The following GRM8 variants were observed in gnomAD, a reference collection of about 807,000 sequenced individuals.
The protein encoded by GRM8 is glutamate metabotropic receptor 8.
Under a neutral mutation model 87.2 loss-of-function variants are expected in GRM8, and 47 were observed. The ratio of observed to expected loss-of-function variants is 0.54; its 90% CI spans 0.43 to 0.69. The LOEUF (loss-of-function observed/expected upper bound fraction) is 0.69, where lower values mean the gene tolerates loss of function less well. GRM8 is among the 30% of genes least tolerant of loss of function. The pLI, the probability that GRM8 is intolerant of heterozygous loss-of-function variation, is 0.00. For missense variants in GRM8, 1,019 were observed against 1,139.2 expected (o/e 0.89, Z 1.52); for synonymous variants, 396 against 404.5 (o/e 0.98, Z 0.25).
chr7:127,243,464 G>A lies in GRM8; in HGVS notation c.-260C>T. ...AGAACATCTGAGGTTCTGATGTTGG[G>A]ATGAGGTCAACAATTCATGTCCTTG... On this transcript the variant is annotated 5_prime_UTR_variant, in exon 2 of 11. Transcript: ENST00000339582. 1 of 472,926 alleles carries A rather than the reference G, an allele frequency of 2.1e-6. No individual in the cohort carries two copies. Among genetic ancestry groups the A allele is most frequent in the South Asian group, 3.5e-5 (1 of 28,706 alleles). The allele number at this position is 472,926 out of a possible 1,614,324, so 29.3% of individuals were successfully genotyped here. A position where few individuals can be genotyped will look rare whatever the true frequency, so the allele number is the denominator to read the frequency against.
chr7:126,597,357 T>C (rs1297175054), intron 8 of GRM8, among the ~76,000 whole-genome samples: 3 of 152,116 alleles, frequency 2.0e-5, no homozygotes, highest in African/African-American at 7.2e-5. Context: ...TTTTCAGTTC[T>C]TAGTTGTAAT....
chr7:126,969,668 T>A (rs1563365186), intron 3 of GRM8, among the ~76,000 whole-genome samples: 1 of 152,124 alleles, frequency 6.6e-6, no homozygotes, highest in African/African-American at 2.4e-5. Context: ...ATCAACTTCT[T>A]CCAAACTTCC....
At chr7:126,903,189 C>G (rs1182964010) in intron 5 of GRM8, among the ~76,000 whole-genome samples, 3 of 152,058 alleles carry the variant, frequency 2.0e-5, no homozygotes, top group African/African-American at 7.2e-5. Flanking sequence ...GTCATGAACT[C>G]AAGTGTCGGT....
intron 8 of GRM8, among the ~76,000 whole-genome samples, chr7:126,574,807 G>T (rs1041585893): frequency 2.6e-5 from 4 of 151,806 alleles, no homozygotes; most frequent in African/African-American, 9.7e-5. Context: ...TTTGCAGACT[G>T]GCCCCAAGAC....
chr7:127,061,455 T>G (rs191563435), intron 3 of GRM8, among the ~76,000 whole-genome samples: 1 of 152,374 alleles, frequency 6.6e-6, no homozygotes, highest in East Asian at 1.9e-4. Context: ...CTCTATGAAC[T>G]GGGCATTATT....
chr7:126,971,979 C>A (rs1810476337), intron 3 of GRM8, among the ~76,000 whole-genome samples: 1 of 152,190 alleles, frequency 6.6e-6, no homozygotes, highest in Non-Finnish European at 1.5e-5. Context: ...AGACACCAAT[C>A]TGCACTAATA....
At chr7:126,655,246 C>T (rs1005959208) in intron 7 of GRM8, among the ~76,000 whole-genome samples, 1 of 152,166 alleles carries the variant, frequency 6.6e-6, no homozygotes, top group Non-Finnish European at 1.5e-5. Context: ...ATATTCAGAA[C>T]CCACTGTATC....
chr7:126,803,350 G>GACATC (rs1822947180), intron 6 of GRM8, among the ~76,000 whole-genome samples: 1 of 152,170 alleles, frequency 6.6e-6, no homozygotes, highest in Non-Finnish European at 1.5e-5. Flanking sequence ...AAGATGTCTA[G>GACATC]TTTAATTCTT....
intron 2 of GRM8, among the ~76,000 whole-genome samples, chr7:127,162,441 G>T (rs1361959): frequency 0.21 from 32,236 of 152,122 alleles, 3,665 homozygotes; most frequent in Middle Eastern, 0.31. Flanking sequence ...CAGAAAGGAA[G>T]ATCCCAGGCC....
chr7:126,771,125 C>T (rs948741428), intron 6 of GRM8, among the ~76,000 whole-genome samples: 1 of 152,050 alleles, frequency 6.6e-6, no homozygotes, highest in Non-Finnish European at 1.5e-5. Context: ...ATGGATGTTA[C>T]TAACCTTGAA....
chr7:126,906,430 C>T (rs1426479461), intron 3 of GRM8, among the ~76,000 whole-genome samples: 1 of 152,144 alleles, frequency 6.6e-6, no homozygotes, highest in Non-Finnish European at 1.5e-5. Flanking sequence ...ATTTGCTCAC[C>T]TCATCCTCCG....
At chr7:126,622,002 G>C (rs749853065) in intron 7 of GRM8, among the ~76,000 whole-genome samples, 11 of 151,936 alleles carry the variant, frequency 7.2e-5, no homozygotes, top group Non-Finnish European at 1.5e-4. Flanking sequence ...ATTCTCTTGC[G>C]CTTCTCTCTG....
chr7:127,221,569 T>C (rs1375590223), intron 2 of GRM8, among the ~76,000 whole-genome samples: 1 of 152,188 alleles, frequency 6.6e-6, no homozygotes, highest in East Asian at 1.9e-4. Flanking sequence ...TGATTGATGC[T>C]TCAGAGCATC....
chr7:127,229,321 G>C (rs1797538871), intron 2 of GRM8: 1 of 152,198 alleles, frequency 6.6e-6, no homozygotes, highest in Non-Finnish European at 1.5e-5. Flanking sequence ...TAAAGGAGTG[G>C]TGCTGGGTTT....
intron 6 of GRM8, among the ~76,000 whole-genome samples, chr7:126,807,244 G>A (rs1158046225): frequency 6.6e-6 from 1 of 151,880 alleles, no homozygotes; most frequent in African/African-American, 2.4e-5. Context: ...CGTAACTCTT[G>A]AGCATAGCTC....
At chr7:126,823,693 C>A (rs935348454) in intron 6 of GRM8, among the ~76,000 whole-genome samples, 6 of 151,946 alleles carry the variant, frequency 3.9e-5, no homozygotes, top group African/African-American at 1.4e-4. Flanking sequence ...TTCTTTTTTT[C>A]ATTCTACGTT....
intron 8 of GRM8, among the ~76,000 whole-genome samples, chr7:126,556,825 G>T (rs1273443367): frequency 6.6e-6 from 1 of 152,146 alleles, no homozygotes; most frequent in African/African-American, 2.4e-5. Context: ...CCTCTAAAGA[G>T]AATGTCAGTT....
intron 7 of GRM8, among the ~76,000 whole-genome samples, chr7:126,678,418 T>C (rs1807214937): frequency 6.6e-6 from 1 of 152,148 alleles, no homozygotes; most frequent in African/African-American, 2.4e-5. Flanking sequence ...CTTTCATCCA[T>C]AAAAAAGCCA....
At chr7:126,521,903 A>AAAATCAT (rs1244553056) in intron 9 of GRM8, among the ~76,000 whole-genome samples, 2 of 152,286 alleles carry the variant, frequency 1.3e-5, no homozygotes, top group South Asian at 4.1e-4. Context: ...TTGTTTACTC[A>AAAATCAT]AAATCATAAT....
Sources: allele counts gnomAD v4.1 joint callset (sites outside exome capture counted in the v4.1 genomes callset), GRCh38; gene constraint gnomAD v4.1.1; transcripts MANE v1.5; gene names NCBI Gene and HGNC (gene_info 2026-07-23, HGNC 2026-07-21).